The following TAFA4 variants were observed in gnomAD, a reference collection of about 807,000 sequenced individuals.
The protein encoded by TAFA4 is TAFA chemokine like family member 4, also known as chemokine-like protein TAFA-4.
TAFA4 carries 20 observed loss-of-function variants against 21.1 expected under a neutral mutation model. That is an observed-to-expected ratio of 0.95 (90% CI 0.67 to 1.38). The LOEUF (loss-of-function observed/expected upper bound fraction) is 1.38, where lower values mean the gene tolerates loss of function less well. Among genes scored for constraint, TAFA4 ranks in the 40% most tolerant of loss-of-function variants. The pLI is 0.00. For missense variants in TAFA4, 211 were observed against 180.9 expected, an observed-to-expected ratio of 1.17 and a Z score of -0.95; for synonymous variants, 71 against 67.4, an observed-to-expected ratio of 1.05 and a Z score of -0.26.
intron 3 of TAFA4, among the ~76,000 whole-genome samples, chr3:68,824,352 G>A (rs376863961): frequency 3.3e-5 from 5 of 152,086 alleles, no homozygotes; most frequent in Admixed American, 6.6e-5. Flanking sequence ...TTATTTCTTC[G>A]CCTTTCCCAG....
chr3:68,847,753 G>C (rs1399739890), intron 3 of TAFA4, among the ~76,000 whole-genome samples: 2 of 152,190 alleles, frequency 1.3e-5, no homozygotes, highest in African/African-American at 4.8e-5. Flanking sequence ...TTACAAATTA[G>C]CAGATTTGAA....
At chr3:68,849,525 C>T (rs1216787927) in intron 3 of TAFA4, among the ~76,000 whole-genome samples, 1 of 152,146 alleles carries the variant, frequency 6.6e-6, no homozygotes, top group Non-Finnish European at 1.5e-5. Context: ...GCCCAGCATT[C>T]CAGCTGTCCT....
At chr3:68,877,976 A>C (rs1023762061) in intron 3 of TAFA4, among the ~76,000 whole-genome samples, 12 of 152,224 alleles carry the variant, frequency 7.9e-5, no homozygotes, top group African/African-American at 2.9e-4. Flanking sequence ...ACAGATGATA[A>C]AACAGGTTCA....
At chr3:68,820,070 T>G (rs1704078417) in intron 3 of TAFA4, among the ~76,000 whole-genome samples, 1 of 152,192 alleles carries the variant, frequency 6.6e-6, no homozygotes. Flanking sequence ...AAAGAAAATG[T>G]GGCATATATA....
intron 3 of TAFA4, among the ~76,000 whole-genome samples, chr3:68,833,114 G>A (rs1559537091): frequency 6.6e-6 from 1 of 152,216 alleles, no homozygotes; most frequent in African/African-American, 2.4e-5. Flanking sequence ...GTCACTCACA[G>A]CTTCCCTTGG....
At chr3:68,919,260 T>A (rs1345955983) in intron 1 of TAFA4, among the ~76,000 whole-genome samples, 2 of 152,212 alleles carry the variant, frequency 1.3e-5, no homozygotes, top group African/African-American at 4.8e-5. Context: ...AGTAGGACTG[T>A]GCAGCTCCAG....
intron 3 of TAFA4, among the ~76,000 whole-genome samples, chr3:68,818,022 G>A (rs1704027058): frequency 6.6e-6 from 1 of 152,174 alleles, no homozygotes. Context: ...GAAAGTCCTA[G>A]ATGGCATTTT....
chr3:68,895,040 T>C (rs1157638067), intron 1 of TAFA4, among the ~76,000 whole-genome samples: 5 of 151,878 alleles, frequency 3.3e-5, no homozygotes, highest in Non-Finnish European at 7.4e-5. Context: ...TTCTTTTAGA[T>C]GGAGTCTCAC....
intron 3 of TAFA4, among the ~76,000 whole-genome samples, chr3:68,757,935 T>G (rs1400141015): frequency 1.3e-5 from 2 of 152,202 alleles, no homozygotes; most frequent in African/African-American, 4.8e-5. Context: ...ATTTTTTTTT[T>G]GTTACAAATA....
intron 3 of TAFA4, among the ~76,000 whole-genome samples, chr3:68,806,932 A>G (rs1703714858): frequency 6.6e-6 from 1 of 152,192 alleles, no homozygotes; most frequent in Non-Finnish European, 1.5e-5. Flanking sequence ...TGAAAGGCCT[A>G]AGGCATTTAC....
At chr3:68,820,407 G>A (rs375552103) in intron 3 of TAFA4, among the ~76,000 whole-genome samples, 18 of 152,202 alleles carry the variant, frequency 1.2e-4, no homozygotes, top group Non-Finnish European at 2.1e-4. Context: ...GGCTGGGCAC[G>A]GTAGCTGACG....
intron 3 of TAFA4, among the ~76,000 whole-genome samples, chr3:68,768,475 G>C (rs755684626): frequency 3.3e-5 from 5 of 152,166 alleles, no homozygotes; most frequent in Non-Finnish European, 5.9e-5. Flanking sequence ...GGAGAAAATG[G>C]AGTGGTTATA....
chr3:68,747,485 CCATGTAAGA>C (rs1377776924), intron 4 of TAFA4, among the ~76,000 whole-genome samples: 1 of 152,180 alleles, frequency 6.6e-6, no homozygotes, highest in Non-Finnish European at 1.5e-5. Flanking sequence ...CTGCCTGCTG[CCATGTAAGA>C]CATGCCTTTG....
chr3:68,875,600 T>C (rs955851361), intron 3 of TAFA4, among the ~76,000 whole-genome samples: 2 of 152,082 alleles, frequency 1.3e-5, no homozygotes, highest in African/African-American at 2.4e-5. Flanking sequence ...AGAAGGAAGA[T>C]AGAGAAAAGT....
intron 1 of TAFA4, among the ~76,000 whole-genome samples, chr3:68,920,041 C>A (rs2090042668): frequency 6.6e-6 from 1 of 152,152 alleles, no homozygotes; most frequent in Non-Finnish European, 1.5e-5. Context: ...CCATATATGA[C>A]TTTGTTCAAG....
intron 4 of TAFA4, among the ~76,000 whole-genome samples, chr3:68,747,467 A>C (rs1395160267): frequency 2.0e-5 from 3 of 152,104 alleles, no homozygotes; most frequent in African/African-American, 7.2e-5. Flanking sequence ...TCCCCTGCAC[A>C]CACTCTCCTG....
intron 3 of TAFA4, among the ~76,000 whole-genome samples, chr3:68,824,324 G>A (rs1262422163): frequency 1.3e-5 from 2 of 152,166 alleles, no homozygotes; most frequent in Non-Finnish European, 2.9e-5. Flanking sequence ...CCTGCCTTCT[G>A]GAGGCCCTAA....
intron 3 of TAFA4, among the ~76,000 whole-genome samples, chr3:68,769,222 G>T (rs1490722223): frequency 1.3e-5 from 2 of 152,150 alleles, no homozygotes; most frequent in African/African-American, 4.8e-5. Flanking sequence ...CTCCTTATGA[G>T]AATCTAATGC....
At chr3:68,876,425 C>A (rs2106944572) in intron 3 of TAFA4, among the ~76,000 whole-genome samples, 1 of 152,308 alleles carries the variant, frequency 6.6e-6, no homozygotes, top group South Asian at 2.1e-4. Context: ...ACAATTTTAT[C>A]ATTTTCACAA....
Sources: gnomAD v4.1 joint callset for allele counts (sites outside exome capture counted in the v4.1 genomes callset) on GRCh38, gnomAD v4.1.1 for gene constraint, MANE v1.5 for transcripts, NCBI Gene and HGNC (gene_info 2026-07-23, HGNC 2026-07-21) for gene names.